The following ZNF536 variants were observed in gnomAD, a reference collection of about 807,000 sequenced individuals.
ZNF536 encodes the protein zinc finger protein 536.
A neutral mutation model predicts 84.5 loss-of-function variants in ZNF536; 13 were observed. The ratio of observed to expected loss-of-function variants is 0.15; its 90% confidence interval spans 0.10 to 0.24. The LOEUF (loss-of-function observed/expected upper bound fraction) is 0.24, where lower values mean the gene tolerates loss of function less well. Among genes scored for constraint, ZNF536 ranks in the 10% least tolerant of loss-of-function variants. ZNF536 has a pLI of 1.00. For missense variants in ZNF536, 1,536 were observed against 1,747.5 expected (o/e 0.88, Z 2.16); for synonymous variants, 811 against 742.5 (o/e 1.09, Z -1.50).
chr19:30,462,918 G>A (rs1293728310), intron 2 of ZNF536, among the ~76,000 whole-genome samples: 1 of 145,614 alleles, frequency 6.9e-6, no homozygotes, highest in Non-Finnish European at 1.5e-5. Context: ...ATGGGTGTGT[G>A]TTGTGTGGAT....
At chr19:30,301,247 C>T (rs986238017) in intron 2 of ZNF536, among the ~76,000 whole-genome samples, 2 of 152,182 alleles carry the variant, frequency 1.3e-5, no homozygotes, top group Admixed American at 1.3e-4. Flanking sequence ...ACTTACTTCT[C>T]ATATTAAACA....
chr19:30,572,583 C>A (rs2046587605), intron 1 of ZNF536, among the ~76,000 whole-genome samples: 1 of 152,196 alleles, frequency 6.6e-6, no homozygotes, highest in Admixed American at 6.5e-5. Context: ...GGTTACTTGT[C>A]CATGTACTTT....
At chr19:30,561,690 T>G (rs921542932), downstream of ZNF536, among the ~76,000 whole-genome samples, 7 of 152,136 alleles carry the variant, frequency 4.6e-5, no homozygotes, top group Non-Finnish European at 8.8e-5. Flanking sequence ...CTTGGAACAG[T>G]CTCTTCAAGG....
chr19:30,376,020 G>A (rs2048805949), intron 1 of ZNF536, among the ~76,000 whole-genome samples: 1 of 152,170 alleles, frequency 6.6e-6, no homozygotes, highest in African/African-American at 2.4e-5. Flanking sequence ...TGATGAGTGT[G>A]TGAATGAGTG....
intron 2 of ZNF536, among the ~76,000 whole-genome samples, chr19:30,528,451 A>G (rs562251365): frequency 2.6e-5 from 4 of 152,304 alleles, no homozygotes; most frequent in South Asian, 2.1e-4. Context: ...AAGATTGGAT[A>G]TAAACCCAGA....
intron 1 of ZNF536, among the ~76,000 whole-genome samples, chr19:30,673,675 C>A (rs1401957634): frequency 2.0e-5 from 3 of 152,206 alleles, no homozygotes; most frequent in Non-Finnish European, 4.4e-5. Context: ...ATCTCGTCAC[C>A]TCTTCCTGCC....
At position 30,429,498 on chromosome 19, in the gene ZNF536, G is replaced by T. The variant is rs980130410; in HGVS notation, c.-2-14063G>T. Reference sequence around the variant, plus strand: ...GGGAAGGGAGTGGCAGTGTCACCCCGCATCGTCAGCTCACCCCAAAGGCCT... The same window carrying T: ...GGGAAGGGAGTGGCAGTGTCACCCCTCATCGTCAGCTCACCCCAAAGGCCT... On this transcript the variant is annotated intron_variant, in intron 1 of 4. Transcript: ENST00000355537. Among the ~76,000 whole-genome samples the T allele has an allele frequency of 2.0e-5, 3 of 152,074 alleles. No individual in the cohort carries two copies. In the South Asian group the frequency reaches 6.2e-4, roughly 31 times the overall value.
intron 1 of ZNF536, among the ~76,000 whole-genome samples, chr19:30,641,905 T>C (rs1031032711): frequency 3.9e-5 from 6 of 152,068 alleles, no homozygotes; most frequent in Non-Finnish European, 8.8e-5. Flanking sequence ...TGGTTGTGGA[T>C]GGAAAAGCGA....
intron 2 of ZNF536, among the ~76,000 whole-genome samples, chr19:30,473,661 T>C (rs529559874): frequency 8.7e-4 from 133 of 152,352 alleles, no homozygotes; most frequent in African/African-American, 3.1e-3. Context: ...TTGGAGCCGC[T>C]ACAATGTATC....
chr19:30,649,976 G>C (rs947179038), intron 1 of ZNF536, among the ~76,000 whole-genome samples: 1 of 151,920 alleles, frequency 6.6e-6, no homozygotes, highest in African/African-American at 2.4e-5. Flanking sequence ...AAATGATACG[G>C]GTAAGTGAAC....
Position 30,590,662 on chromosome 19 carries a change from T to C in ZNF536, c.169+41148T>C, listed in dbSNP as rs545005007. 2.0e-5 allele frequency among the ~76,000 whole-genome samples: 3 copies of C among 152,120 alleles called. No individual in the cohort carries two copies. The South Asian group carries it at 6.2e-4, about 32-fold the overall frequency. On this transcript the variant is annotated intron_variant, in intron 1 of 1. Transcript: ENST00000592773. ...GTTTCAGTTCCAGGAGGAGTGGAGATGTGGGGCAGAAGACTGGAGTCCAGG... is the reference window on the plus strand; with the variant it reads ...GTTTCAGTTCCAGGAGGAGTGGAGACGTGGGGCAGAAGACTGGAGTCCAGG...
chr19:30,483,304 C>T (rs2054161908), intron 2 of ZNF536, among the ~76,000 whole-genome samples: 1 of 152,214 alleles, frequency 6.6e-6, no homozygotes, highest in African/African-American at 2.4e-5. Context: ...TCCCGGAAAA[C>T]ATGGTCCTCT....
intron 3 of ZNF536, among the ~76,000 whole-genome samples, chr19:30,543,189 C>T (rs7250275): frequency 0.017 from 2,586 of 152,296 alleles, 86 homozygotes; most frequent in African/African-American, 0.058. Context: ...CAGGAGAGAA[C>T]GGCTGTTTTG....
intron 3 of ZNF536, among the ~76,000 whole-genome samples, chr19:30,360,280 T>C (rs746892400): frequency 6.6e-6 from 1 of 152,232 alleles, no homozygotes; most frequent in Non-Finnish European, 1.5e-5. Context: ...TCTCCCTTCA[T>C]CCTGTTCACA....
chr19:30,690,651 T>G (rs895386865), intron 1 of ZNF536, among the ~76,000 whole-genome samples: 7 of 152,134 alleles, frequency 4.6e-5, no homozygotes, highest in Non-Finnish European at 8.8e-5. Flanking sequence ...GAGGAGGGGT[T>G]TGGAGCCAGA....
intron 1 of ZNF536, among the ~76,000 whole-genome samples, chr19:30,435,442 G>A (rs1181848488): frequency 6.6e-6 from 1 of 151,532 alleles, no homozygotes; most frequent in Non-Finnish European, 1.5e-5. Flanking sequence ...GATGATGTTG[G>A]TGAAGATGAT....
chr19:30,255,275 G>A (rs1227234058), intron 1 of ZNF536, among the ~76,000 whole-genome samples: 2 of 152,110 alleles, frequency 1.3e-5, no homozygotes, highest in Non-Finnish European at 2.9e-5. Flanking sequence ...TAGAGCTTGG[G>A]GTGGTGAGAA....
At chr19:30,257,628 G>T (rs1476078666) in intron 1 of ZNF536, among the ~76,000 whole-genome samples, 1 of 152,214 alleles carries the variant, frequency 6.6e-6, no homozygotes, top group Non-Finnish European at 1.5e-5. Context: ...CCAGCTTTAG[G>T]TTGACTCTGT....
At chr19:30,589,302 C>A (rs1056174839) in intron 1 of ZNF536, among the ~76,000 whole-genome samples, 2 of 152,170 alleles carry the variant, frequency 1.3e-5, no homozygotes, top group African/African-American at 4.8e-5. Context: ...GTGCCCTAGA[C>A]CCTCTGTTGG....
Sources: allele counts gnomAD v4.1 joint callset (sites outside exome capture counted in the v4.1 genomes callset), GRCh38; gene constraint gnomAD v4.1.1; transcripts MANE v1.5; gene names NCBI Gene and HGNC (gene_info 2026-07-23, HGNC 2026-07-21).